The following HS6ST3 variants were observed in gnomAD, a reference collection of about 807,000 sequenced individuals.
HS6ST3 encodes the protein heparan-sulfate 6-O-sulfotransferase 3.
HS6ST3 carries 12 observed loss-of-function variants against 36.7 expected under a neutral mutation model. The ratio of observed to expected loss-of-function variants is 0.33; its 90% CI spans 0.21 to 0.53. The LOEUF is 0.53. Ranked by LOEUF, HS6ST3 falls within the 20% of genes least tolerant of loss-of-function variation. The pLI, the probability that HS6ST3 is intolerant of heterozygous loss-of-function variation, is 0.95. For missense variants in HS6ST3, 584 were observed against 640.9 expected, an observed-to-expected ratio of 0.91 and a Z score of 0.96; for synonymous variants, 240 against 257.5, an observed-to-expected ratio of 0.93 and a Z score of 0.65.
intron 1 of HS6ST3, among the ~76,000 whole-genome samples, chr13:96,612,307 T>A (rs2066473990): frequency 6.6e-6 from 1 of 152,058 alleles, no homozygotes; most frequent in Non-Finnish European, 1.5e-5. Flanking sequence ...CCCCACTCTT[T>A]CTTGGTTTCC....
In HS6ST3 at chr13:96,235,125, G is replaced by A. The variant is rs988148102; in HGVS notation, c.707+143556G>A. Among the ~76,000 whole-genome samples, 8 of 152,066 alleles carry A rather than the reference G, an allele frequency of 5.3e-5. No individual in the cohort carries two copies. The East Asian group carries it at 1.5e-3, about 29-fold the overall frequency. On this transcript the variant is annotated intron_variant, in intron 1 of 1. Coordinates refer to ENST00000376705, the MANE Select transcript of HS6ST3 (RefSeq NM_153456.4). ...ACCATGTTGTAGAAGAATCTTTAAT[G>A]TTGTTGGAAAAATGTGATATACAGT...
At chr13:96,560,841 G>T (rs1044565571) in intron 1 of HS6ST3, among the ~76,000 whole-genome samples, 1 of 151,994 alleles carries the variant, frequency 6.6e-6, no homozygotes, top group African/African-American at 2.4e-5. Flanking sequence ...ATTTCTACAA[G>T]ATCTCTACAT....
At chr13:96,531,292 T>C (rs987155333) in intron 1 of HS6ST3, among the ~76,000 whole-genome samples, 13 of 152,220 alleles carry the variant, frequency 8.5e-5, no homozygotes, top group African/African-American at 3.1e-4. Context: ...TTAATATTTG[T>C]AAAAACGAGA....
intron 1 of HS6ST3, among the ~76,000 whole-genome samples, chr13:96,832,237 A>G (rs971558672): frequency 6.6e-6 from 1 of 152,198 alleles, no homozygotes; most frequent in African/African-American, 2.4e-5. Context: ...TGAACTATCT[A>G]TTCTTTCCAC....
intron 1 of HS6ST3, among the ~76,000 whole-genome samples, chr13:96,329,982 T>G (rs1334767313): frequency 6.6e-6 from 1 of 151,252 alleles, no homozygotes; most frequent in Non-Finnish European, 1.5e-5. Flanking sequence ...AAAGTCTGTT[T>G]TATCATAGAC....
chr13:96,331,441 G>T (rs2055066663), intron 1 of HS6ST3, among the ~76,000 whole-genome samples: 1 of 152,184 alleles, frequency 6.6e-6, no homozygotes, highest in Admixed American at 6.5e-5. Context: ...ACCCTGCCGT[G>T]TGAGGTGTCA....
rs1379442809 is a variant in HS6ST3 at position 96,091,090 on chromosome 13, G to A, written c.228G>A (p.Arg76=). ...ERRPQLPPPP[R]GPPEGPRGAA... ...GGCCCCAGTTGCCCCCGCCGCCCCG[G>A]GGGCCCCCCGAGGGACCTCGGGGGG... Residue 76 remains arginine, a synonymous_variant, in exon 1 of 2, where the codon CGG becomes CGA. Transcript: ENST00000376705. 6 of 1,302,042 alleles carry A rather than the reference G, an allele frequency of 4.6e-6. No individual in the cohort carries two copies. Among genetic ancestry groups the A allele is most frequent in the Non-Finnish European group, 5.8e-6 (6 of 1,029,988 alleles). 80.7% of individuals were successfully genotyped at this position (1,302,042 alleles called of 1,614,324 possible).
chr13:96,667,433 C>T (rs999055852), intron 1 of HS6ST3, among the ~76,000 whole-genome samples: 5 of 152,128 alleles, frequency 3.3e-5, no homozygotes, highest in Non-Finnish European at 5.9e-5. Flanking sequence ...GAAATAATTG[C>T]TTGCCATTAG....
rs898135115 is a variant in HS6ST3 at position 96,220,867 on chromosome 13, A to G, written c.707+129298A>G. The stretch of plus-strand genomic sequence containing the variant: ...CATCCTGTTTGCAGTTACTAAAACC[A>G]TGACAGTCCACTACAAAATATTAAT... On this transcript the variant is annotated intron_variant, in intron 1 of 1. Transcript: ENST00000376705. 3.3e-5 allele frequency among the ~76,000 whole-genome samples: 5 copies of G among 152,320 alleles called. No homozygotes were observed. In the East Asian group the frequency reaches 5.8e-4, roughly 18 times the overall value.
intron 1 of HS6ST3, among the ~76,000 whole-genome samples, chr13:96,305,819 G>C (rs1244023391): frequency 6.7e-6 from 1 of 149,380 alleles, no homozygotes; most frequent in African/African-American, 2.5e-5. Flanking sequence ...TGTTATCTGG[G>C]TCATTGTTTG....
At chr13:96,132,397 A>G (rs1337682290) in intron 1 of HS6ST3, among the ~76,000 whole-genome samples, 2 of 151,020 alleles carry the variant, frequency 1.3e-5, no homozygotes, top group Non-Finnish European at 3.0e-5. Flanking sequence ...AAATGGCTGA[A>G]TTTTTTCTTT....
At chr13:96,332,105 C>T (rs1052629970) in intron 1 of HS6ST3, among the ~76,000 whole-genome samples, 8 of 152,194 alleles carry the variant, frequency 5.3e-5, no homozygotes, top group South Asian at 2.1e-4. Flanking sequence ...GAGATGAACC[C>T]GGTACCTCAG....
intron 1 of HS6ST3, among the ~76,000 whole-genome samples, chr13:96,345,806 A>G (rs2055151278): frequency 6.6e-6 from 1 of 152,180 alleles, no homozygotes; most frequent in African/African-American, 2.4e-5. Flanking sequence ...TGGGCCACAC[A>G]TAAAATACAC....
intron 1 of HS6ST3, among the ~76,000 whole-genome samples, chr13:96,769,882 C>A (rs577416452): frequency 6.6e-6 from 1 of 151,944 alleles, no homozygotes; most frequent in Non-Finnish European, 1.5e-5. Flanking sequence ...GTTAATCATG[C>A]CAGCAATTTA....
chr13:96,399,299 A>G (rs1182473489), intron 1 of HS6ST3, among the ~76,000 whole-genome samples: 6 of 152,200 alleles, frequency 3.9e-5, no homozygotes, highest in Admixed American at 2.6e-4. Context: ...TGATGAAATT[A>G]CAGAGATAAA....
intron 1 of HS6ST3, among the ~76,000 whole-genome samples, chr13:96,525,545 TAC>T (rs535787057): frequency 1.5e-4 from 22 of 150,788 alleles, no homozygotes; most frequent in African/African-American, 3.6e-4. Context: ...GTTTTAGTGT[TAC>T]ACACACACAC....
intron 1 of HS6ST3, among the ~76,000 whole-genome samples, chr13:96,213,059 T>C (rs2054406611): frequency 6.6e-6 from 1 of 152,238 alleles, no homozygotes; most frequent in Non-Finnish European, 1.5e-5. Flanking sequence ...TTTGACTTAA[T>C]GTATAAACTG....
At chr13:96,790,474 C>T (rs1398915919) in intron 1 of HS6ST3, among the ~76,000 whole-genome samples, 1 of 151,924 alleles carries the variant, frequency 6.6e-6, no homozygotes, top group Non-Finnish European at 1.5e-5. Flanking sequence ...TGTTAAGTAA[C>T]ATGCTGTATG....
chr13:96,175,536 C>CT (rs1485791838), intron 1 of HS6ST3, among the ~76,000 whole-genome samples: 4 of 150,370 alleles, frequency 2.7e-5, no homozygotes, highest in Non-Finnish European at 4.4e-5. Context: ...TTTTTTTGTT[C>CT]TTTTTTTTCC....
Sources: allele counts gnomAD v4.1 joint callset (sites outside exome capture counted in the v4.1 genomes callset), GRCh38; gene constraint gnomAD v4.1.1; transcripts MANE v1.5; gene names NCBI Gene and HGNC (gene_info 2026-07-23, HGNC 2026-07-21).